The following GRAMD4 variants were observed in gnomAD, a reference collection of about 807,000 sequenced individuals.
The protein encoded by GRAMD4 is GRAM domain containing 4.
GRAMD4 carries 25 observed loss-of-function variants against 83.9 expected under a neutral mutation model. That is an observed-to-expected ratio of 0.30 (90% CI 0.22 to 0.42). GRAMD4 has a LOEUF of 0.42. GRAMD4 is among the 10% of genes least tolerant of loss of function. GRAMD4 has a pLI of 1.00. For missense variants in GRAMD4, 593 were observed against 788.7 expected, an observed-to-expected ratio of 0.75 and a Z score of 2.97; for synonymous variants, 336 against 320.9, an observed-to-expected ratio of 1.05 and a Z score of -0.50.
rs1210233735 is a variant in GRAMD4 at position 46,674,718 on chromosome 22, C to T, written c.1446C>T (p.Tyr482=). ...INRDRKMPTD[Y]IRNGVLYVTE... ...GGGACCGGAAGATGCCCACGGACTA[C>T]ATCAGGAACGGGGTGCTCTACGTCA... Residue 482 remains tyrosine (Y), a synonymous_variant, in exon 16 of 19, where the codon TAC becomes TAT. Coordinates refer to ENST00000406902, the MANE Select transcript of GRAMD4 (RefSeq NM_015124.5). 3 of 1,612,534 alleles carry T rather than the reference C, an allele frequency of 1.9e-6. No homozygotes were observed. Among genetic ancestry groups the T allele is most frequent in the East Asian group, 4.5e-5 (2 of 44,878 alleles).
intron 1 of GRAMD4, among the ~76,000 whole-genome samples, chr22:46,603,032 C>T (rs1478769888): frequency 6.6e-6 from 1 of 151,988 alleles, no homozygotes; most frequent in Admixed American, 6.6e-5. Context: ...TGAGCCACCA[C>T]ACCTGACCTC....
intron 10 of GRAMD4, 97 bp downstream of exon 10, chr22:46,666,970 C>G: frequency 1.2e-6 from 1 of 860,904 alleles, no homozygotes; most frequent in East Asian, 2.9e-5. Context: ...CTGGATGAGG[C>G]CATGTGGTCA....
chr22:46,591,498 G>A (rs1440128880), intron 1 of GRAMD4, among the ~76,000 whole-genome samples: 6 of 152,094 alleles, frequency 3.9e-5, no homozygotes, highest in Admixed American at 3.9e-4. Flanking sequence ...ATGAGGCAGA[G>A]GCTAACGGAC....
chr22:46,643,492 T>C (rs2082021336), intron 3 of GRAMD4, among the ~76,000 whole-genome samples: 1 of 152,240 alleles, frequency 6.6e-6, no homozygotes, highest in Admixed American at 6.5e-5. Flanking sequence ...AGGACAGTTA[T>C]CAAAATCAGG....
chr22:46,623,052 G>A (rs192420475), intron 1 of GRAMD4, among the ~76,000 whole-genome samples: 117 of 152,226 alleles, frequency 7.7e-4, no homozygotes, highest in African/African-American at 2.6e-3. Flanking sequence ...AACGACCACC[G>A]TAAGCCCATA....
At chr22:46,594,574 C>T (rs1436110673) in intron 1 of GRAMD4, among the ~76,000 whole-genome samples, 1 of 109,144 alleles carries the variant, frequency 9.2e-6, no homozygotes, top group Non-Finnish European at 1.9e-5. Context: ...GGTGAGGGAC[C>T]TCTGGTTGGG....
upstream of GRAMD4, among the ~76,000 whole-genome samples, chr22:46,616,450 A>C (rs377477486): frequency 1.2e-5 from 1 of 85,450 alleles, no homozygotes; most frequent in African/African-American, 4.7e-5. Context: ...CTGTGCGTGT[A>C]GGTTCCCCCG....
At chr22:46,593,184 G>A (rs1426455192) in intron 1 of GRAMD4, among the ~76,000 whole-genome samples, 1 of 152,108 alleles carries the variant, frequency 6.6e-6, no homozygotes, top group Non-Finnish European at 1.5e-5. Flanking sequence ...GTAGCAGAAA[G>A]GTAAATTGTA....
At position 46,643,295 on chromosome 22, in the gene GRAMD4, TCATCCATC is replaced by T. The variant is rs763098193; in HGVS notation, c.283+5359_283+5366del. On this transcript the variant is annotated intron_variant, in intron 3 of 18. Coordinates refer to ENST00000406902, the MANE Select transcript of GRAMD4 (RefSeq NM_015124.5). ...TCCATCCATCTATCCATCCATCCAT[TCATCCATC>T]CATCCATCCATCCATCCATCCATGC... 1.4e-4 allele frequency among the ~76,000 whole-genome samples: 14 copies of T among 103,002 alleles called. No homozygotes were observed. The South Asian group carries it at 3.9e-3, about 29-fold the overall frequency. 67.6% of individuals were successfully genotyped at this position (103,002 alleles called of 152,430 possible).
rs148941000 is a variant in GRAMD4, at chr22:46,585,348, G to A, written c.-50+8058G>A. On this transcript the variant is annotated intron_variant, in intron 1 of 1. Transcript: ENST00000431155. ...TGGAACTACAGGCACGCACCACAAC[G>A]CCCAGCTAATTTTGTATTTTTAGTA... Among the ~76,000 whole-genome samples, 296 of 152,136 alleles carry A rather than the reference G, an allele frequency of 1.9e-3. 1 individual carries two copies. The highest frequency in any genetic ancestry group is 3.1e-3 in the Admixed American group (47 of 15,290).
chr22:46,593,314 C>T lies in GRAMD4; in HGVS notation c.-50+16024C>T, dbSNP rs542321431. ...CATCAAGCAGAAGCTTCCTTGCGGGCGGCCCTTGTTGCAGGCGGTCTTGGC... is the reference window on the plus strand; with the variant it reads ...CATCAAGCAGAAGCTTCCTTGCGGGTGGCCCTTGTTGCAGGCGGTCTTGGC... On this transcript the variant is annotated intron_variant, in intron 1 of 1. Coordinates refer to the GRAMD4 transcript ENST00000431155. Among the ~76,000 whole-genome samples the T allele has an allele frequency of 1.6e-4, 24 of 152,166 alleles. No homozygotes were observed. The Middle Eastern group carries it at 0.01, about 65-fold the overall frequency.
intron 1 of GRAMD4, among the ~76,000 whole-genome samples, chr22:46,584,720 G>A (rs938992882): frequency 6.6e-6 from 1 of 152,168 alleles, no homozygotes; most frequent in African/African-American, 2.4e-5. Flanking sequence ...ATGATTCCAC[G>A]ACTTAGAGGG....
intron 1 of GRAMD4, among the ~76,000 whole-genome samples, chr22:46,586,671 G>T (rs1415861521): frequency 6.6e-6 from 1 of 152,240 alleles, no homozygotes; most frequent in Non-Finnish European, 1.5e-5. Context: ...CGCTGGTGGG[G>T]TCTCAGCTTC....
intron 2 of GRAMD4, among the ~76,000 whole-genome samples, chr22:46,635,751 C>T (rs1020379443): frequency 2.2e-5 from 2 of 90,286 alleles, no homozygotes. Context: ...CCCTGCCCCC[C>T]GCCCCTGGCC....
intron 8 of GRAMD4, 91 bp from the exon 9 acceptor site, chr22:46,665,524 C>A (rs1205090183): frequency 1.4e-6 from 1 of 709,178 alleles, no homozygotes; most frequent in Non-Finnish European, 2.5e-6. Flanking sequence ...GGTCTCCCCA[C>A]TGGGGCCGCC....
chr22:46,617,080 G>A (rs2081512045), upstream of GRAMD4, among the ~76,000 whole-genome samples: 2 of 125,388 alleles, frequency 1.6e-5, no homozygotes, highest in African/African-American at 6.1e-5. Flanking sequence ...CCCTGTGCGT[G>A]TGGGTTCCCC....
At chr22:46,674,861 A>G (rs941992865) in intron 16 of GRAMD4, 111 bp downstream of exon 16, 1 of 775,182 alleles carries the variant, frequency 1.3e-6, no homozygotes. Context: ...AGTGGTGGCC[A>G]TGGCCTCTCC....
intron 1 of GRAMD4, among the ~76,000 whole-genome samples, chr22:46,614,951 G>C (rs1205007572): frequency 1.5e-5 from 2 of 137,788 alleles, no homozygotes; most frequent in South Asian, 2.5e-4. Flanking sequence ...CCCTGTGCAT[G>C]TAGGTTCCCC....
At chr22:46,650,601 C>T (rs1179329654) in intron 3 of GRAMD4, among the ~76,000 whole-genome samples, 1 of 152,256 alleles carries the variant, frequency 6.6e-6, no homozygotes, top group Non-Finnish European at 1.5e-5. Flanking sequence ...TGTCCCTGCC[C>T]TTCTCCTCGC....
Sources: gnomAD v4.1 joint callset for allele counts (sites outside exome capture counted in the v4.1 genomes callset) on GRCh38, gnomAD v4.1.1 for gene constraint, MANE v1.5 for transcripts, NCBI Gene and HGNC (gene_info 2026-07-23, HGNC 2026-07-21) for gene names.